The following TAF2 variants were observed in gnomAD, a reference collection of about 807,000 sequenced individuals.
The protein encoded by TAF2 is transcription initiation factor TFIID subunit 2.
A neutral mutation model predicts 138.5 loss-of-function variants in TAF2; 61 were observed. The ratio of observed to expected loss-of-function variants is 0.44; its 90% CI spans 0.36 to 0.54. TAF2 has a LOEUF of 0.54. TAF2 is among the 20% of genes least tolerant of loss of function. The pLI is 0.00. For missense variants in TAF2, 1,090 were observed against 1,427.9 expected, an observed-to-expected ratio of 0.76 and a Z score of 3.81; for synonymous variants, 475 against 469.9, an observed-to-expected ratio of 1.01 and a Z score of -0.14.
chr8:119,794,265 C>T (rs936374974), intron 9 of TAF2, among the ~76,000 whole-genome samples: 1 of 151,882 alleles, frequency 6.6e-6, no homozygotes, highest in Non-Finnish European at 1.5e-5. Flanking sequence ...GGCGTGATGG[C>T]GGGTGCCTGT....
intron 22 of TAF2, among the ~76,000 whole-genome samples, chr8:119,751,323 A>C (rs924373634): frequency 6.6e-6 from 1 of 152,318 alleles, no homozygotes. Context: ...AGAGCATAAA[A>C]TCTAAATTCC....
At chr8:119,798,777 T>C (rs1459127593) in intron 6 of TAF2, among the ~76,000 whole-genome samples, 1 of 152,132 alleles carries the variant, frequency 6.6e-6, no homozygotes, top group Non-Finnish European at 1.5e-5. Context: ...ATTCTTCTAA[T>C]AGCATTTAAA....
chr8:119,776,618 G>A (rs1251550990), intron 18 of TAF2, among the ~76,000 whole-genome samples: 1 of 151,898 alleles, frequency 6.6e-6, no homozygotes, highest in Non-Finnish European at 1.5e-5. Context: ...AAACCAGGGA[G>A]ATGGAGCTTG....
At chr8:119,776,876 T>A (rs1440715771) in intron 18 of TAF2, among the ~76,000 whole-genome samples, 1 of 147,916 alleles carries the variant, frequency 6.8e-6, no homozygotes, top group Non-Finnish European at 1.5e-5. Flanking sequence ...TCTCCCTACA[T>A]CCTTCAAAGT....
At chr8:119,797,475 C>A (rs1370440988) in intron 7 of TAF2, among the ~76,000 whole-genome samples, 187 bp downstream of exon 7, 1 of 151,858 alleles carries the variant, frequency 6.6e-6, no homozygotes, top group Non-Finnish European at 1.5e-5. Context: ...TTTGAGTTAT[C>A]TCAAAAACTT....
Position 119,794,124 on chromosome 8 carries a change from G to A in TAF2, c.1192-673C>T, listed in dbSNP as rs539919035. On this transcript the variant is annotated intron_variant, in intron 9 of 25. Coordinates refer to ENST00000378164, the MANE Select transcript of TAF2 (RefSeq NM_003184.4). ...AAAAAAAGCATAAGTGAAGACGGGC[G>A]CAGTGGCTCACATCTGTAATCCCAG... Among the ~76,000 whole-genome samples the A allele has an allele frequency of 6.6e-5, 10 of 152,184 alleles. No individual in the cohort carries two copies. In the South Asian group the frequency reaches 1.2e-3, roughly 19 times the overall value.
intron 18 of TAF2, among the ~76,000 whole-genome samples, chr8:119,770,607 G>A (rs1412208157): frequency 4.6e-5 from 7 of 152,158 alleles, no homozygotes. Flanking sequence ...TCTAAATATA[G>A]AAATGAAAGG....
chr8:119,821,120 T>C (rs1825781562), intron 2 of TAF2, among the ~76,000 whole-genome samples: 1 of 152,294 alleles, frequency 6.6e-6, no homozygotes, highest in Non-Finnish European at 1.5e-5. Context: ...TGAAATGTAT[T>C]TCAGGAAGAT....
intron 22 of TAF2, among the ~76,000 whole-genome samples, chr8:119,754,667 A>G (rs1456623132): frequency 6.6e-6 from 1 of 151,616 alleles, no homozygotes; most frequent in Non-Finnish European, 1.5e-5. Flanking sequence ...TGGGTGACAG[A>G]GCAAGACTGT....
chr8:119,818,084 T>C (rs1396846267), intron 3 of TAF2, among the ~76,000 whole-genome samples: 3 of 152,252 alleles, frequency 2.0e-5, no homozygotes, highest in African/African-American at 7.2e-5. Flanking sequence ...TTTAAACCAA[T>C]GATTATTGGG....
chr8:119,825,384 C>T (rs906155857), intron 2 of TAF2, among the ~76,000 whole-genome samples: 1 of 152,160 alleles, frequency 6.6e-6, no homozygotes, highest in Non-Finnish European at 1.5e-5. Context: ...GGCTCATAGG[C>T]GGAAGGGACT....
intron 18 of TAF2, among the ~76,000 whole-genome samples, chr8:119,766,198 T>C (rs1821407919): frequency 6.6e-6 from 1 of 152,226 alleles, no homozygotes; most frequent in Non-Finnish European, 1.5e-5. Flanking sequence ...TTTCTTAATA[T>C]TATCCCCACA....
chr8:119,809,906 T>C (rs958854351), intron 3 of TAF2, among the ~76,000 whole-genome samples: 3 of 150,196 alleles, frequency 2.0e-5, no homozygotes, highest in African/African-American at 7.3e-5. Flanking sequence ...ATTACAAAAA[T>C]GTGACATAGA....
In TAF2 at chr8:119,832,728, C is replaced by T. The variant is rs1478391777; in HGVS notation, c.-164G>A. ...CTGACGGGTCGCTGCCCGCCTCAAC[C>T]TCGCTCCTTCGACTAGCTCCTAGAA... is the stretch of plus-strand genomic sequence containing the variant. On this transcript the variant is annotated 5_prime_UTR_variant, in exon 1 of 26. Transcript: ENST00000378164. 1.7e-6 allele frequency: 1 copy of T among 572,754 alleles called. No homozygotes were observed. Among genetic ancestry groups the T allele is most frequent in the East Asian group, 3.0e-5 (1 of 33,776 alleles). The allele number at this position is 572,754 out of a possible 1,614,324, so 35.5% of individuals were successfully genotyped here.
Position 119,783,616 on chromosome 8 carries a change from A to T in TAF2, c.1877T>A (p.Leu626Gln), listed in dbSNP as rs981866885. Residue 626 changes from leucine (L) to glutamine (Q), a missense_variant, in exon 16 of 26, where the codon CTG becomes CAG. By Grantham distance (113) the Leu-to-Gln change is moderately radical. This residue lies in a region of TAF2 where 580 missense variants were observed against 719.6 expected (regional missense o/e 0.81). Coordinates refer to ENST00000378164, the MANE Select transcript of TAF2 (RefSeq NM_003184.4). ...LSAMDADSPLLWIRIDPDMSV... is the reference protein window; with the variant it reads ...LSAMDADSPLQWIRIDPDMSV... ...CATATCTGGGTCTATCCTTATCCAC[A>T]GCAAAGGGGAATCAGCACTGCAAGA... The T allele has an allele frequency of 6.2e-7, 1 of 1,613,962 alleles. No homozygotes were observed. Among genetic ancestry groups the T allele is most frequent in the African/African-American group, 1.3e-5 (1 of 74,938 alleles).
chr8:119,764,415 G>A (rs988241010), intron 18 of TAF2, among the ~76,000 whole-genome samples: 1 of 152,174 alleles, frequency 6.6e-6, no homozygotes, highest in South Asian at 2.1e-4. Context: ...TGAGTCTTAT[G>A]TGGTTCCACA....
chr8:119,751,524 G>C (rs185787268), intron 22 of TAF2, among the ~76,000 whole-genome samples: 10 of 152,254 alleles, frequency 6.6e-5, no homozygotes, highest in Admixed American at 5.2e-4. Context: ...TAGCATTCCA[G>C]ACAGGGTTCA....
chr8:119,818,809 A>G (rs1825649642), intron 3 of TAF2, among the ~76,000 whole-genome samples: 1 of 151,974 alleles, frequency 6.6e-6, no homozygotes, highest in Non-Finnish European at 1.5e-5. Flanking sequence ...AGAACATAAA[A>G]CTGATAACAG....
At chr8:119,761,310 C>T (rs1190161386) in intron 19 of TAF2, among the ~76,000 whole-genome samples, 3 of 152,146 alleles carry the variant, frequency 2.0e-5, no homozygotes, top group Non-Finnish European at 2.9e-5. Flanking sequence ...GAGCAACAGG[C>T]TATACCATAA....
Sources: gnomAD v4.1 joint callset for allele counts (sites outside exome capture counted in the v4.1 genomes callset) on GRCh38, gnomAD v4.1.1 for gene constraint, gnomAD v4.1.1 regional missense constraint, MANE v1.5 for transcripts, NCBI Gene and HGNC (gene_info 2026-07-23, HGNC 2026-07-21) for gene names.